Variants in ZFAND3 observed in about 807,000 individuals in gnomAD.
The protein encoded by ZFAND3 is zinc finger AN1-type containing 3, also known as AN1-type zinc finger protein 3.
A neutral mutation model predicts 29.6 loss-of-function variants in ZFAND3; 10 were observed. The observed-to-expected ratio is 0.34, with a 90% CI of 0.21 to 0.57. ZFAND3 has a LOEUF of 0.57. Among genes scored for constraint, ZFAND3 ranks in the 20% least tolerant of loss-of-function variants. The probability of loss-of-function intolerance (pLI) is 0.86; values close to 1 mark genes in which losing one functional copy is unlikely to be tolerated. For missense variants in ZFAND3, 230 were observed against 304.5 expected, an observed-to-expected ratio of 0.76 and a Z score of 1.82; for synonymous variants, 128 against 112.6, an observed-to-expected ratio of 1.14 and a Z score of -0.87.
At chr6:38,060,877 A>G (rs1764224110) in intron 2 of ZFAND3, among the ~76,000 whole-genome samples, 1 of 152,172 alleles carries the variant, frequency 6.6e-6, no homozygotes, top group Admixed American at 6.5e-5. Context: ...ATCAGTCTGC[A>G]CTGCAGAACC....
At chr6:38,053,282 T>C (rs1464271231) in intron 2 of ZFAND3, among the ~76,000 whole-genome samples, 1 of 147,650 alleles carries the variant, frequency 6.8e-6, no homozygotes, top group Non-Finnish European at 1.5e-5. Flanking sequence ...GAGGTGATGT[T>C]ATCAGAATTT....
rs76028489 is a variant in ZFAND3, at chr6:38,063,248, G to T, written c.295+1473G>T. On this transcript the variant is annotated intron_variant, in intron 3 of 5. Coordinates refer to ENST00000287218, the MANE Select transcript of ZFAND3 (RefSeq NM_021943.3). ...AAACTGCTATATTTGGTAATATCGA[G>T]AATATAAAATAAGCAAGGTCATAGT... is the stretch of plus-strand genomic sequence containing the variant. Among the ~76,000 whole-genome samples the T allele has an allele frequency of 0.016, 2,411 of 152,214 alleles. 251 individuals carry two copies. In the East Asian group the frequency reaches 0.28, roughly 18 times the overall value.
rs959685682 is a variant in ZFAND3 at position 38,152,350 on chromosome 6, G to C, written c.645G>C (p.Val215=). The change falls in exon 6 of 6, where the codon GTG becomes GTC. Residue 215 remains valine (V), a synonymous_variant. Transcript: ENST00000287218. ...IMKMVKLDRK[V]GRSCQRIGEG... ...AAATGGTGAAGCTGGACCGGAAAGT[G>C]GGGCGCTCCTGCCAGCGCATCGGGG... 1 of 1,608,594 alleles carries C rather than the reference G, an allele frequency of 6.2e-7. No homozygotes were observed. The highest frequency in any genetic ancestry group is 1.1e-5 in the South Asian group (1 of 90,156).
chr6:37,970,620 G>A lies in ZFAND3; in HGVS notation c.112+40621G>A, dbSNP rs1247515569. On this transcript the variant is annotated intron_variant, in intron 2 of 5. Coordinates refer to ENST00000287218, the MANE Select transcript of ZFAND3 (RefSeq NM_021943.3). ...GATTTTAAAAAACACTTAGTATGGG[G>A]CCAGGCGCGCGGTGGCTCAACGCCT... is the stretch of plus-strand genomic sequence containing the variant. Among the ~76,000 whole-genome samples the A allele has an allele frequency of 2.0e-5, 3 of 152,138 alleles. No individual in the cohort carries two copies. The East Asian group carries it at 5.8e-4, about 29-fold the overall frequency.
intron 2 of ZFAND3, among the ~76,000 whole-genome samples, chr6:38,033,625 G>T (rs143173963): frequency 1.1e-3 from 170 of 152,178 alleles, no homozygotes; most frequent in African/African-American, 3.9e-3. Context: ...TTCTCTATTT[G>T]TACTGAATTT....
At chr6:37,948,941 G>T (rs1761948197) in intron 2 of ZFAND3, among the ~76,000 whole-genome samples, 1 of 152,120 alleles carries the variant, frequency 6.6e-6, no homozygotes, top group Non-Finnish European at 1.5e-5. Context: ...CTTTATAATA[G>T]AATGATTTAC....
At chr6:38,067,992 G>A (rs1379640266) in intron 3 of ZFAND3, among the ~76,000 whole-genome samples, 1 of 152,196 alleles carries the variant, frequency 6.6e-6, no homozygotes, top group African/African-American at 2.4e-5. Flanking sequence ...GAAGAGAACT[G>A]ATACCTGCTG....
At position 37,965,445 on chromosome 6, in the gene ZFAND3, C is replaced by T. The variant is rs537579818; in HGVS notation, c.112+35446C>T. On this transcript the variant is annotated intron_variant, in intron 2 of 5. Coordinates refer to ENST00000287218, the MANE Select transcript of ZFAND3 (RefSeq NM_021943.3). The stretch of plus-strand genomic sequence containing the variant: ...CCAACCATTTCTATAAGGTTAATAG[C>T]GAGTAGCCGGGAGTTCATATATCCA... Among the ~76,000 whole-genome samples, 62 of 152,248 alleles carry T rather than the reference C, an allele frequency of 4.1e-4. 1 individual carries two copies. Among genetic ancestry groups the T allele is most frequent in the African/African-American group, 1.3e-3 (56 of 41,550 alleles).
At chr6:38,113,704 A>AT (rs1235510596) in intron 4 of ZFAND3, among the ~76,000 whole-genome samples, 2 of 152,082 alleles carry the variant, frequency 1.3e-5, no homozygotes, top group Non-Finnish European at 2.9e-5. Flanking sequence ...CATTTAAAAA[A>AT]TTTTTCTTCA....
chr6:38,117,256 C>CTTT lies in ZFAND3; in HGVS notation c.529+537_529+539dup, dbSNP rs35684874. On this transcript the variant is annotated intron_variant, in intron 5 of 5. Coordinates refer to ENST00000287218, the MANE Select transcript of ZFAND3 (RefSeq NM_021943.3). ...TAGTCAGTTAATACCTTGAAATAGCCTTTTTTTTTTTTTTTTTTTTTTCCT... is the reference window on the plus strand; with the variant it reads ...TAGTCAGTTAATACCTTGAAATAGCCTTTTTTTTTTTTTTTTTTTTTTTTTCCT... Among the ~76,000 whole-genome samples, 464 of 96,286 alleles carry CTTT rather than the reference C, an allele frequency of 4.8e-3. 6 individuals carry two copies. Among genetic ancestry groups the CTTT allele is most frequent in the Middle Eastern group, 7.2e-3 (1 of 138 alleles). The allele number at this position is 96,286 out of a possible 152,430, so 63.2% of individuals were successfully genotyped here. A position where few individuals can be genotyped will look rare whatever the true frequency, so the allele number is the denominator to read the frequency against.
intron 2 of ZFAND3, among the ~76,000 whole-genome samples, chr6:38,034,932 G>T (rs1039919527): frequency 6.6e-6 from 1 of 152,058 alleles, no homozygotes; most frequent in Admixed American, 6.6e-5. Context: ...ACATAAGAAG[G>T]TTCCTATTAC....
At chr6:38,043,718 C>A (rs1017347506) in intron 2 of ZFAND3, among the ~76,000 whole-genome samples, 4 of 152,088 alleles carry the variant, frequency 2.6e-5, no homozygotes, top group African/African-American at 4.8e-5. Flanking sequence ...TCCAAGGACT[C>A]CTCCTGCCTC....
chr6:38,133,839 A>G (rs886874470), intron 5 of ZFAND3, among the ~76,000 whole-genome samples: 1 of 152,044 alleles, frequency 6.6e-6, no homozygotes, highest in Non-Finnish European at 1.5e-5. Flanking sequence ...ATATGAAGGT[A>G]GCACCTGGGA....
intron 2 of ZFAND3, among the ~76,000 whole-genome samples, chr6:37,999,318 A>G (rs1423642896): frequency 2.0e-5 from 3 of 152,204 alleles, no homozygotes; most frequent in East Asian, 1.9e-4. Context: ...AGGGAGAAAG[A>G]GATAAATTTG....
At chr6:38,144,105 A>G (rs984495997) in intron 5 of ZFAND3, among the ~76,000 whole-genome samples, 2 of 149,388 alleles carry the variant, frequency 1.3e-5, no homozygotes, top group Non-Finnish European at 3.0e-5. Flanking sequence ...GTGTACTTAC[A>G]TATGAGCTAT....
chr6:38,110,777 G>T (rs922959908), intron 4 of ZFAND3, among the ~76,000 whole-genome samples: 3 of 152,214 alleles, frequency 2.0e-5, no homozygotes, highest in East Asian at 3.8e-4. Context: ...TCTCTTTGTT[G>T]CCGCATTGCT....
At chr6:38,068,353 A>G (rs1326132880) in intron 3 of ZFAND3, among the ~76,000 whole-genome samples, 2 of 152,246 alleles carry the variant, frequency 1.3e-5, no homozygotes, top group African/African-American at 2.4e-5. Context: ...TTTGATTGGA[A>G]CACAGCCCCA....
Position 38,152,870 on chromosome 6 carries a change from G to A in ZFAND3, c.*481G>A. On this transcript the variant is annotated 3_prime_UTR_variant, in exon 6 of 6. Transcript: ENST00000287218. Reference sequence around the variant, plus strand: ...AGTAGCCAGGATACCTGATGGCCACGTGTGCCTTGGCCACGGGAGGCTGCT... The same window carrying A: ...AGTAGCCAGGATACCTGATGGCCACATGTGCCTTGGCCACGGGAGGCTGCT... 3 of 985,994 alleles carry A rather than the reference G, an allele frequency of 3.0e-6. No homozygotes were observed. The highest frequency in any genetic ancestry group is 3.5e-5 in the African/African-American group (2 of 57,342). 61.1% of individuals were successfully genotyped at this position (985,994 alleles called of 1,614,324 possible). A position where few individuals can be genotyped will look rare whatever the true frequency, so the allele number is the denominator to read the frequency against.
chr6:38,049,949 T>A (rs1246135644), intron 2 of ZFAND3, among the ~76,000 whole-genome samples: 1 of 7,408 alleles, frequency 1.3e-4, no homozygotes, highest in African/African-American at 1.8e-4. Context: ...CAATTAATTT[T>A]TTTTTTTTTT....
Sources: allele counts gnomAD v4.1 joint callset (sites outside exome capture counted in the v4.1 genomes callset), GRCh38; gene constraint gnomAD v4.1.1; transcripts MANE v1.5; gene names NCBI Gene and HGNC (gene_info 2026-07-23, HGNC 2026-07-21).